Variants in FHIT observed in about 807,000 individuals in gnomAD.
FHIT encodes fragile histidine triad diadenosine triphosphatase.
Under a neutral mutation model 17.9 loss-of-function variants are expected in FHIT, and 19 were observed. The observed-to-expected ratio is 1.06, with a 90% CI of 0.74 to 1.56. The LOEUF is 1.56. Ranked by LOEUF, FHIT falls within the 40% of genes most tolerant of loss-of-function variation. FHIT has a pLI of 0.00. For synonymous variants in FHIT, 81 were observed against 69.7 expected, an observed-to-expected ratio of 1.16 and a Z score of -0.81; for missense variants, 248 against 189.2, an observed-to-expected ratio of 1.31 and a Z score of -1.82.
At chr3:60,860,759 A>ATGTGCC (rs1703738264) in intron 3 of FHIT, among the ~76,000 whole-genome samples, 1 of 4,386 alleles carries the variant, frequency 2.3e-4, no homozygotes, top group Admixed American at 5.5e-3. Flanking sequence ...TCAGGTATAT[A>ATGTGCC]TGATACATAT....
chr3:60,844,617 A>G (rs1702859315), intron 3 of FHIT, among the ~76,000 whole-genome samples: 1 of 152,142 alleles, frequency 6.6e-6, no homozygotes, highest in Non-Finnish European at 1.5e-5. Context: ...GCCACAAGTG[A>G]AAGTGCAAAG....
intron 2 of FHIT, among the ~76,000 whole-genome samples, chr3:61,072,010 C>T (rs1372880742): frequency 1.3e-5 from 2 of 152,176 alleles, no homozygotes; most frequent in Non-Finnish European, 2.9e-5. Context: ...AGTCCCACCC[C>T]TCATGCCCCC....
chr3:60,361,468 G>A (rs548889141), intron 5 of FHIT, among the ~76,000 whole-genome samples: 1 of 152,296 alleles, frequency 6.6e-6, no homozygotes, highest in Non-Finnish European at 1.5e-5. Flanking sequence ...ATTTCTTGCA[G>A]CAGTGAGTGT....
intron 3 of FHIT, among the ~76,000 whole-genome samples, chr3:61,031,653 C>T (rs2033014511): frequency 6.6e-6 from 1 of 152,190 alleles, no homozygotes; most frequent in African/African-American, 2.4e-5. Context: ...ATTTTACCCA[C>T]AAGTGAGAAT....
chr3:60,328,592 C>T (rs928060399), intron 5 of FHIT, among the ~76,000 whole-genome samples: 1 of 152,130 alleles, frequency 6.6e-6, no homozygotes, highest in African/African-American at 2.4e-5. Context: ...CTCACTACAC[C>T]TGGGGATTAT....
At chr3:60,751,889 G>T (rs1433594174) in intron 4 of FHIT, among the ~76,000 whole-genome samples, 2 of 152,144 alleles carry the variant, frequency 1.3e-5, no homozygotes, top group Non-Finnish European at 2.9e-5. Context: ...AAAGGGGATA[G>T]GCTAAGTAAG....
intron 5 of FHIT, among the ~76,000 whole-genome samples, chr3:60,076,206 C>A (rs557902436): frequency 6.6e-6 from 1 of 152,116 alleles, no homozygotes; most frequent in East Asian, 1.9e-4. Context: ...TCCTTAAAAG[C>A]TCTTCCCTTT....
chr3:60,188,207 CT>C (rs1210975877), intron 5 of FHIT, among the ~76,000 whole-genome samples: 4,898 of 125,546 alleles, frequency 0.039, 236 homozygotes, highest in African/African-American at 0.12. Context: ...CAGTTTCTTT[CT>C]TTTTTTTTTT....
Position 60,013,890 on chromosome 3 carries a change from G to T in FHIT, c.249+117C>A, listed in dbSNP as rs115287814. 2,648 of 1,074,474 alleles carry T rather than the reference G, an allele frequency of 2.5e-3. 4 individuals carry two copies. Among genetic ancestry groups the T allele is most frequent in the African/African-American group, 5.7e-3 (361 of 63,330 alleles). 66.6% of individuals were successfully genotyped at this position (1,074,474 alleles called of 1,614,324 possible). On this transcript the variant is annotated intron_variant, in intron 6 of 9. Transcript: ENST00000492590. ...GCATTAGAAATCTCTTTTTTTGGCTGCTACCTAAAATACAAACAATCACAT... is the reference window on the plus strand; with the variant it reads ...GCATTAGAAATCTCTTTTTTTGGCTTCTACCTAAAATACAAACAATCACAT...
chr3:60,624,237 A>T (rs1224494977), intron 4 of FHIT, among the ~76,000 whole-genome samples: 4 of 152,190 alleles, frequency 2.6e-5, no homozygotes, highest in African/African-American at 9.7e-5. Context: ...AATGAGAAGC[A>T]AGGAGTGGTA....
chr3:60,129,050 TTTG>T (rs1354437335), intron 5 of FHIT, among the ~76,000 whole-genome samples: 8 of 54,562 alleles, frequency 1.5e-4, no homozygotes, highest in African/African-American at 3.1e-4. Flanking sequence ...TCCTTTTTTG[TTTG>T]TTTTTTTTTT....
intron 5 of FHIT, among the ~76,000 whole-genome samples, chr3:60,247,041 G>C (rs563850213): frequency 4.6e-5 from 7 of 152,110 alleles, no homozygotes; most frequent in Non-Finnish European, 7.4e-5. Flanking sequence ...CACTAAGAGT[G>C]AACCCTAATA....
chr3:60,883,726 A>G (rs1705075738), intron 3 of FHIT, among the ~76,000 whole-genome samples: 1 of 152,190 alleles, frequency 6.6e-6, no homozygotes, highest in South Asian at 2.1e-4. Context: ...AATGGACTAA[A>G]TAATTAAATG....
chr3:60,797,938 A>G (rs1277750943), intron 4 of FHIT, among the ~76,000 whole-genome samples: 1 of 152,142 alleles, frequency 6.6e-6, no homozygotes, highest in African/African-American at 2.4e-5. Context: ...AATTTTTTCA[A>G]TGTATAATTA....
chr3:60,807,499 G>C (rs1553734652), intron 4 of FHIT, among the ~76,000 whole-genome samples: 1 of 152,166 alleles, frequency 6.6e-6, no homozygotes, highest in East Asian at 1.9e-4. Flanking sequence ...TGAGGTGGGA[G>C]GACGCCAGAG....
At chr3:60,269,346 C>G (rs1368764404) in intron 5 of FHIT, among the ~76,000 whole-genome samples, 1 of 152,134 alleles carries the variant, frequency 6.6e-6, no homozygotes, top group African/African-American at 2.4e-5. Context: ...CATTTGAAAT[C>G]TAGAATTTCT....
intron 5 of FHIT, among the ~76,000 whole-genome samples, chr3:60,031,732 G>A (rs1701010279): frequency 6.6e-6 from 1 of 152,112 alleles, no homozygotes; most frequent in Non-Finnish European, 1.5e-5. Context: ...GTAATTTGGG[G>A]CTTAGGTCAG....
chr3:61,014,430 T>G (rs971598772), intron 3 of FHIT, among the ~76,000 whole-genome samples: 6 of 151,938 alleles, frequency 3.9e-5, no homozygotes, highest in Non-Finnish European at 8.8e-5. Context: ...AGAGCTATAT[T>G]AATCTGTAGC....
rs372842837 is a variant in FHIT at position 60,642,652 on chromosome 3, GAA to G, written c.-17-105675_-17-105674del. Among the ~76,000 whole-genome samples the G allele has an allele frequency of 2.2e-3, 330 of 152,318 alleles. 1 individual carries two copies. The highest frequency in any genetic ancestry group is 7.5e-3 in the African/African-American group (313 of 41,582). On this transcript the variant is annotated intron_variant, in intron 4 of 9. Coordinates refer to ENST00000492590, the MANE Select transcript of FHIT (RefSeq NM_002012.4). ...GCTTTAACCATCACTCTGCGAAAGA[GAA>G]GAGTTCAGAGCAAAGTCATCACAGG... is the stretch of plus-strand genomic sequence containing the variant.
Sources: allele counts gnomAD v4.1 joint callset (sites outside exome capture counted in the v4.1 genomes callset), GRCh38; gene constraint gnomAD v4.1.1; transcripts MANE v1.5; gene names NCBI Gene and HGNC (gene_info 2026-07-23, HGNC 2026-07-21).